Variants in RABGAP1L observed in about 807,000 individuals in gnomAD.
RABGAP1L encodes the protein RAB GTPase activating protein 1 like.
RABGAP1L carries 63 observed loss-of-function variants against 137.7 expected under a neutral mutation model. The observed-to-expected ratio is 0.46, with a 90% CI of 0.37 to 0.56. RABGAP1L has a LOEUF of 0.56. Among genes scored for constraint, RABGAP1L ranks in the 20% least tolerant of loss-of-function variants. The probability of loss-of-function intolerance (pLI) is 0.00; values close to 1 mark genes in which losing one functional copy is unlikely to be tolerated. For synonymous variants in RABGAP1L, 431 were observed against 433.7 expected (o/e 0.99, Z 0.08); for missense variants, 1,095 against 1,244.0 (o/e 0.88, Z 1.80).
intron 18 of RABGAP1L, among the ~76,000 whole-genome samples, chr1:174,806,529 G>A (rs1475201952): frequency 6.6e-6 from 1 of 152,182 alleles, no homozygotes; most frequent in African/African-American, 2.4e-5. Context: ...GATTGCTTAA[G>A]CCCAGGAGTT....
intron 19 of RABGAP1L, among the ~76,000 whole-genome samples, chr1:174,855,749 A>G (rs1280726414): frequency 6.6e-6 from 1 of 152,236 alleles, no homozygotes; most frequent in Admixed American, 6.5e-5. Context: ...AAATGGATTT[A>G]GATTAAAAGG....
intron 10 of RABGAP1L, among the ~76,000 whole-genome samples, chr1:174,289,401 C>A (rs1377524438): frequency 1.3e-5 from 2 of 152,084 alleles, no homozygotes; most frequent in Admixed American, 1.3e-4. Flanking sequence ...TATTGTTTTT[C>A]TGATTAGTTG....
At chr1:174,887,398 C>A (rs1171344372) in intron 19 of RABGAP1L, among the ~76,000 whole-genome samples, 3 of 152,160 alleles carry the variant, frequency 2.0e-5, no homozygotes, top group Non-Finnish European at 2.9e-5. Flanking sequence ...GACATATACT[C>A]ATTGAAAAAT....
intron 13 of RABGAP1L, among the ~76,000 whole-genome samples, chr1:174,576,767 C>T (rs74126841): frequency 0.035 from 5,343 of 152,290 alleles, 125 homozygotes; most frequent in Middle Eastern, 0.088. Flanking sequence ...CTATGATTCA[C>T]TGACTGTGTA....
intron 10 of RABGAP1L, among the ~76,000 whole-genome samples, chr1:174,287,718 C>T (rs1676193971): frequency 6.6e-6 from 1 of 152,104 alleles, no homozygotes; most frequent in African/African-American, 2.4e-5. Context: ...GTCTTGAACT[C>T]CTGACCTCAA....
intron 14 of RABGAP1L, among the ~76,000 whole-genome samples, chr1:174,675,151 G>C (rs1677514570): frequency 6.6e-6 from 1 of 152,182 alleles, no homozygotes; most frequent in Non-Finnish European, 1.5e-5. Context: ...TTTTAGACAT[G>C]AAGTCTTTGC....
chr1:174,492,196 T>C (rs1660311142), intron 13 of RABGAP1L, among the ~76,000 whole-genome samples: 2 of 142,366 alleles, frequency 1.4e-5, no homozygotes, highest in African/African-American at 5.3e-5. Flanking sequence ...TTTTTTTTTT[T>C]TGAGACAAAA....
At position 174,829,275 on chromosome 1, in the gene RABGAP1L, A is replaced by G. The variant is rs1052092039; in HGVS notation, c.2340+17315A>G. On this transcript the variant is annotated intron_variant, in intron 19 of 25. Transcript: ENST00000681986. ...CCTGAAAATACTTCTGGTAATAAAC[A>G]GGAAAATCCTCAAATGTTACACTGA... is the stretch of plus-strand genomic sequence containing the variant. Among the ~76,000 whole-genome samples, 46 of 148,736 alleles carry G rather than the reference A, an allele frequency of 3.1e-4. 2 individuals are homozygous for G. The highest frequency in any genetic ancestry group is 1.1e-3 in the African/African-American group (46 of 40,846).
chr1:174,587,855 G>GATTT (rs201546627), intron 13 of RABGAP1L, among the ~76,000 whole-genome samples: 1 of 151,978 alleles, frequency 6.6e-6, no homozygotes, highest in Non-Finnish European at 1.5e-5. Flanking sequence ...ATACTCTTTA[G>GATTT]ATTTATTTAT....
chr1:174,779,800 A>G (rs905906936), intron 18 of RABGAP1L, among the ~76,000 whole-genome samples: 1 of 152,158 alleles, frequency 6.6e-6, no homozygotes, highest in Non-Finnish European at 1.5e-5. Context: ...CAAAAGCCCC[A>G]TATTTCCCAA....
chr1:174,590,259 G>C (rs1050948732), intron 13 of RABGAP1L, among the ~76,000 whole-genome samples: 3 of 144,086 alleles, frequency 2.1e-5, no homozygotes, highest in African/African-American at 7.6e-5. Context: ...ACAACTTTTG[G>C]TTAAATAAAT....
chr1:174,741,521 C>G (rs578107546), intron 17 of RABGAP1L, among the ~76,000 whole-genome samples: 3 of 152,122 alleles, frequency 2.0e-5, no homozygotes, highest in African/African-American at 7.2e-5. Context: ...TGCTGCCACA[C>G]CTGACTGGTG....
At chr1:174,676,969 T>C (rs940171696) in intron 14 of RABGAP1L, among the ~76,000 whole-genome samples, 1 of 152,154 alleles carries the variant, frequency 6.6e-6, no homozygotes, top group African/African-American at 2.4e-5. Context: ...GTTGGACAAA[T>C]GGATAGAACA....
chr1:174,878,925 G>GTTTTTTTTTT (rs869251284), intron 19 of RABGAP1L, among the ~76,000 whole-genome samples: 12 of 85,152 alleles, frequency 1.4e-4, no homozygotes, highest in African/African-American at 2.7e-4. Flanking sequence ...TTTGTGCATT[G>GTTTTTTTTTT]TTTTTTTTTT....
rs115799128 is a variant in RABGAP1L at position 174,727,563 on chromosome 1, G to A, written c.2170-24750G>A. ...TGGATGGGAAGAGGATGACTGAAAG[G>A]TATAAAATTACAATTAGAAAGAAAG... On this transcript the variant is annotated intron_variant, in intron 17 of 25. Coordinates refer to ENST00000681986, the MANE Select transcript of RABGAP1L (RefSeq NM_001366446.1). Among the ~76,000 whole-genome samples, 1,365 of 152,248 alleles carry A rather than the reference G, an allele frequency of 9.0e-3. 22 individuals carry two copies. Among genetic ancestry groups the A allele is most frequent in the African/African-American group, 0.032 (1,309 of 41,538 alleles).
At chr1:174,582,948 A>G (rs1175094277) in intron 13 of RABGAP1L, among the ~76,000 whole-genome samples, 1 of 152,192 alleles carries the variant, frequency 6.6e-6, no homozygotes, top group Non-Finnish European at 1.5e-5. Context: ...ACTATGGCGT[A>G]TGTATTATAC....
chr1:174,495,057 G>A (rs992940700), intron 13 of RABGAP1L, among the ~76,000 whole-genome samples: 20 of 152,040 alleles, frequency 1.3e-4, no homozygotes, highest in African/African-American at 4.4e-4. Context: ...CCTGTGGTTA[G>A]CTTCTAACTT....
chr1:174,223,710 T>A (rs917130430), intron 3 of RABGAP1L, among the ~76,000 whole-genome samples: 41 of 152,158 alleles, frequency 2.7e-4, no homozygotes, highest in Admixed American at 6.5e-4. Context: ...GGGTGGGAAT[T>A]TCAAATTTTC....
intron 13 of RABGAP1L, among the ~76,000 whole-genome samples, chr1:174,537,888 G>C (rs1341756565): frequency 6.6e-6 from 1 of 152,110 alleles, no homozygotes; most frequent in Non-Finnish European, 1.5e-5. Context: ...CATACCCTAT[G>C]CAAGAGTATT....
Sources: allele counts gnomAD v4.1 joint callset (sites outside exome capture counted in the v4.1 genomes callset), GRCh38; gene constraint gnomAD v4.1.1; transcripts MANE v1.5; gene names NCBI Gene and HGNC (gene_info 2026-07-23, HGNC 2026-07-21).